Variants in PGAP1 observed in about 807,000 individuals in gnomAD.
PGAP1 encodes the protein post-GPI attachment to proteins inositol deacylase 1.
Under a neutral mutation model 127.0 loss-of-function variants are expected in PGAP1, and 76 were observed. The ratio of observed to expected loss-of-function variants is 0.60; its 90% CI spans 0.50 to 0.72. The LOEUF is 0.72. PGAP1 is among the 30% of genes least tolerant of loss of function. PGAP1 has a pLI of 0.00. For synonymous variants in PGAP1, 362 were observed against 366.5 expected (o/e 0.99, Z 0.14); for missense variants, 982 against 1,071.3 (o/e 0.92, Z 1.16).
In PGAP1 at chr2:196,833,884, T is replaced by C. The variant is rs573052399; in HGVS notation, c.*7350A>G. 2 of 151,996 alleles carry C rather than the reference T, an allele frequency of 1.3e-5. No individual in the cohort carries two copies. The highest frequency in any genetic ancestry group is 2.4e-5 in the African/African-American group (1 of 41,436). The allele number at this position is 151,996 out of a possible 1,614,324, so 9.4% of individuals were successfully genotyped here. A position where few individuals can be genotyped will look rare whatever the true frequency, so the allele number is the denominator to read the frequency against. On this transcript the variant is annotated 3_prime_UTR_variant, in exon 27 of 27. Coordinates refer to ENST00000354764, the MANE Select transcript of PGAP1 (RefSeq NM_024989.4). The stretch of plus-strand genomic sequence containing the variant: ...GTAAAAATGCAAGTCTACATTTTTT[T>C]AAAAACTGAAGCCCGTTTTCTCTTG...
At chr2:196,867,275 C>T (rs1006791014) in intron 19 of PGAP1, among the ~76,000 whole-genome samples, 1 of 152,148 alleles carries the variant, frequency 6.6e-6, no homozygotes, top group African/African-American at 2.4e-5. Flanking sequence ...CACATATACA[C>T]CATGGAATAC....
At chr2:196,876,926 T>C (rs1371484174) in intron 13 of PGAP1, among the ~76,000 whole-genome samples, 1 of 152,062 alleles carries the variant, frequency 6.6e-6, no homozygotes, top group East Asian at 1.9e-4. Context: ...ATTTTCATTA[T>C]AGAAAACAGC....
At chr2:196,886,707 CT>C (rs913221254) in intron 10 of PGAP1, among the ~76,000 whole-genome samples, 1 of 150,372 alleles carries the variant, frequency 6.7e-6, no homozygotes, top group Non-Finnish European at 1.5e-5. Context: ...AAATAAGTCC[CT>C]TTTTTTTTGA....
intron 14 of PGAP1, among the ~76,000 whole-genome samples, chr2:196,874,792 T>A (rs1701513194): frequency 6.6e-6 from 1 of 152,304 alleles, no homozygotes; most frequent in South Asian, 2.1e-4. Flanking sequence ...GGCATGCTGA[T>A]TTCTTGAGTC....
chr2:196,903,422 A>C (rs1702564241), intron 4 of PGAP1, among the ~76,000 whole-genome samples: 1 of 151,740 alleles, frequency 6.6e-6, no homozygotes, highest in Admixed American at 6.6e-5. Context: ...TTAGCTGGGC[A>C]TGGTGGTGCG....
rs775222004 is a variant in PGAP1, at chr2:196,843,886, A to C, written c.2525+2T>G. 6.7e-7 allele frequency: 1 copy of C among 1,500,070 alleles called. No homozygotes were observed. 92.9% of individuals were successfully genotyped at this position (1,500,070 alleles called of 1,614,324 possible). On this transcript the variant is annotated splice_donor_variant, in intron 25 of 26. Transcript: ENST00000354764. LOFTEE classifies it high-confidence loss of function. The stretch of plus-strand genomic sequence containing the variant: ...AACAATAATTATATCAATAAAACGC[A>C]CCTAAGATTCTTTAGCCAATAAATT...
At chr2:196,845,016 T>C (rs1700518187) in intron 23 of PGAP1, among the ~76,000 whole-genome samples, 1 of 152,056 alleles carries the variant, frequency 6.6e-6, no homozygotes, top group Non-Finnish European at 1.5e-5. Context: ...CCCAATTATA[T>C]ACAGTGGTGA....
chr2:196,923,663 T>C (rs1703280289), intron 1 of PGAP1, among the ~76,000 whole-genome samples: 1 of 151,852 alleles, frequency 6.6e-6, no homozygotes, highest in Non-Finnish European at 1.5e-5. Context: ...TCTTTTTTTC[T>C]TTCTTTTTTT....
intron 12 of PGAP1, among the ~76,000 whole-genome samples, chr2:196,884,879 G>A (rs1228433798): frequency 6.6e-6 from 1 of 152,040 alleles, no homozygotes; most frequent in Admixed American, 6.6e-5. Flanking sequence ...GCGCAAATAA[G>A]CCCTTTATAA....
At position 196,870,975 on chromosome 2, in the gene PGAP1, G is replaced by C. The variant is rs957701509; in HGVS notation, c.1733C>G (p.Thr578Arg). ...TATTTGTGAAAAGGAAGTCTTAACT[G>C]TCACCTAGTTTAAAACAATTATTGA... ...YTSSDCRYEV[T>R]VKTSFSQILG... Residue 578 changes from threonine (T) to arginine (R), a missense_variant, in exon 19 of 27, where the codon ACA becomes AGA. Physicochemically the swap from Thr to Arg is moderately conservative, Grantham distance 71. Transcript: ENST00000354764. 1 of 1,603,294 alleles carries C rather than the reference G, an allele frequency of 6.2e-7. No homozygotes were observed. The highest frequency in any genetic ancestry group is 8.5e-7 in the Non-Finnish European group (1 of 1,171,580).
chr2:196,912,987 C>G lies in PGAP1; in HGVS notation c.544G>C (p.Ala182Pro). 1 of 1,613,798 alleles carries G rather than the reference C, an allele frequency of 6.2e-7. No individual in the cohort carries two copies. Among genetic ancestry groups the G allele is most frequent in the Non-Finnish European group, 8.5e-7 (1 of 1,179,848 alleles). ...TTAAAATTTTTCAGTGTAAGCAATG[C>G]TCTTGCAACAAGGCCACCCATAGAA... ...GHSMGGLVARALLTLKNFKHD... is the reference protein window; with the variant it reads ...GHSMGGLVARPLLTLKNFKHD... The change falls in exon 4 of 27, where the codon GCA (alanine) becomes CCA (proline). Residue 182 changes from alanine (A) to proline (P), a missense_variant. Coordinates refer to ENST00000354764, the MANE Select transcript of PGAP1 (RefSeq NM_024989.4).
chr2:196,894,285 C>A (rs1377944601), intron 7 of PGAP1, among the ~76,000 whole-genome samples: 1 of 152,186 alleles, frequency 6.6e-6, no homozygotes, highest in African/African-American at 2.4e-5. Flanking sequence ...TTCTGATTGC[C>A]TCCCCTGGAT....
At chr2:196,846,595 A>G (rs912299483) in intron 22 of PGAP1, among the ~76,000 whole-genome samples, 1 of 152,184 alleles carries the variant, frequency 6.6e-6, no homozygotes, top group Non-Finnish European at 1.5e-5. Context: ...ACTCTAGGCA[A>G]TGTTTTTGGA....
At position 196,916,456 on chromosome 2, in the gene PGAP1, C is replaced by T. The variant is rs62185192; in HGVS notation, c.439G>A (p.Val147Ile). 4.3e-5 allele frequency: 69 copies of T among 1,612,914 alleles called. No individual in the cohort carries two copies. Among genetic ancestry groups the T allele is most frequent in the Non-Finnish European group, 5.6e-5 (66 of 1,179,526 alleles). ...AGAATTGTTTTAATACATTCATGTA[C>T]AAACTTGGTCTGCTTCTGAAGACTT... ...GGSLQKQTKF[V>I]HECIKTILKL... is the part of the protein sequence containing the mutation. Residue 147 changes from valine to isoleucine, a missense_variant, in exon 3 of 27, where the codon GTA becomes ATA. Coordinates refer to ENST00000354764, the MANE Select transcript of PGAP1 (RefSeq NM_024989.4).
At position 196,864,967 on chromosome 2, in the gene PGAP1, A is replaced by C. The variant is rs768284250; in HGVS notation, c.1861+20T>G. 3 of 1,392,646 alleles carry C rather than the reference A, an allele frequency of 2.2e-6. No individual in the cohort carries two copies. The African/African-American group carries it at 4.5e-5, about 21-fold the overall frequency. The allele number at this position is 1,392,646 out of a possible 1,614,324, so 86.3% of individuals were successfully genotyped here. On this transcript the variant is annotated intron_variant, in intron 20 of 26. Coordinates refer to ENST00000354764, the MANE Select transcript of PGAP1 (RefSeq NM_024989.4). ...TAATATTCATAACAAAAGTAACTTAAAAATTAGAAGCATTCTTACCTGTTG... is the reference window on the plus strand; with the variant it reads ...TAATATTCATAACAAAAGTAACTTACAAATTAGAAGCATTCTTACCTGTTG...
chr2:196,878,544 C>A (rs1413430811), intron 13 of PGAP1, among the ~76,000 whole-genome samples: 1 of 152,128 alleles, frequency 6.6e-6, no homozygotes, highest in Non-Finnish European at 1.5e-5. Context: ...TCAGTCTGTA[C>A]AAACCCCTTA....
intron 12 of PGAP1, among the ~76,000 whole-genome samples, chr2:196,883,860 T>A (rs1339269950): frequency 6.6e-6 from 1 of 152,204 alleles, no homozygotes. Context: ...AAATAAAAGA[T>A]CTATCCTCCT....
chr2:196,862,205 G>A (rs1204828369), intron 20 of PGAP1, among the ~76,000 whole-genome samples: 1 of 152,034 alleles, frequency 6.6e-6, no homozygotes, highest in East Asian at 1.9e-4. Context: ...GCGCCTGAGG[G>A]TAGGTCTATA....
In PGAP1 at chr2:196,875,062, T is replaced by C. The variant is rs557545564; in HGVS notation, c.1426+684A>G. Among the ~76,000 whole-genome samples, 4 of 152,202 alleles carry C rather than the reference T, an allele frequency of 2.6e-5. No individual in the cohort carries two copies. In the South Asian group the frequency reaches 8.3e-4, roughly 32 times the overall value. ...AACAGACAACTCCAAATAAGGAACA[T>C]TGCACAAAATAATTGAACAGTATTC... On this transcript the variant is annotated intron_variant, in intron 14 of 26. Transcript: ENST00000354764.
Sources: gnomAD v4.1 joint callset for allele counts (sites outside exome capture counted in the v4.1 genomes callset) on GRCh38, gnomAD v4.1.1 for gene constraint, MANE v1.5 for transcripts, NCBI Gene and HGNC (gene_info 2026-07-23, HGNC 2026-07-21) for gene names.